OR1B1: variants seen among roughly 807,000 people sequenced by gnomAD.
OR1B1 encodes the protein olfactory receptor 1B1.
For synonymous variants in OR1B1, 168 were observed against 156.2 expected (o/e 1.08, Z -0.57); for missense variants, 414 against 402.1 (o/e 1.03, Z -0.25).
the OR1B1 span, among the ~76,000 whole-genome samples, chr9:122,652,605 T>C: frequency 5.9e-5 from 9 of 152,240 alleles, no homozygotes; most frequent in Non-Finnish European, 4.4e-5. Context: ...AATCTGTATA[T>C]TGATACATTC....
At chr9:122,643,296 T>C in the OR1B1 span, among the ~76,000 whole-genome samples, 93 of 152,186 alleles carry the variant, frequency 6.1e-4, 1 homozygote, top group East Asian at 0.012. Context: ...ATATGTGCAC[T>C]GTGGGGAGGG....
At chr9:122,656,592 G>A in the OR1B1 span, among the ~76,000 whole-genome samples, 3,223 of 152,028 alleles carry the variant, frequency 0.021, 107 homozygotes, top group African/African-American at 0.074. Flanking sequence ...CCAAATTCTC[G>A]TGTCATGCCC....
At chr9:122,628,589 A>G (rs1437777381) in exon 1 of OR1B1, 1 of 1,599,364 alleles carries the variant, frequency 6.3e-7, no homozygotes, top group Non-Finnish European at 8.6e-7. Flanking sequence ...TCAGGGGTCT[A>G]CCTTCACCCA....
chr9:122,628,819 A>G (rs1315259316), exon 1 of OR1B1: 1 of 1,614,132 alleles, frequency 6.2e-7, no homozygotes, highest in Non-Finnish European at 8.5e-7. Context: ...CTCGGCGGCG[A>G]CCAGCAGCTG....
the OR1B1 span, among the ~76,000 whole-genome samples, chr9:122,640,382 A>G: frequency 6.6e-6 from 1 of 152,280 alleles, no homozygotes; most frequent in Non-Finnish European, 1.5e-5. Context: ...GATCAACTTA[A>G]TGCTGATTAT....
exon 1 of OR1B1, chr9:122,628,600 T>C (rs914447358): frequency 1.2e-6 from 2 of 1,611,404 alleles, no homozygotes; most frequent in South Asian, 2.2e-5. Context: ...CCTTCACCCA[T>C]TCAAGCAGCC....
At chr9:122,644,286 C>A in the OR1B1 span, among the ~76,000 whole-genome samples, 9 of 152,290 alleles carry the variant, frequency 5.9e-5, no homozygotes, top group African/African-American at 1.9e-4. Context: ...AAAGAAGAGC[C>A]CTTGGGCTTT....
At chr9:122,634,166 G>A (rs1465933530), upstream of OR1B1, among the ~76,000 whole-genome samples, 1 of 151,640 alleles carries the variant, frequency 6.6e-6, no homozygotes, top group Non-Finnish European at 1.5e-5. Flanking sequence ...GAGAAACCCC[G>A]TCCTTACTGA....
chr9:122,649,668 T>C, the OR1B1 span, among the ~76,000 whole-genome samples: 3 of 152,160 alleles, frequency 2.0e-5, no homozygotes, highest in Non-Finnish European at 2.9e-5. Flanking sequence ...TCACTGGTCA[T>C]TAGAGAAATG....
chr9:122,631,709 G>C (rs1339046948), upstream of OR1B1, among the ~76,000 whole-genome samples: 1 of 152,110 alleles, frequency 6.6e-6, no homozygotes, highest in Non-Finnish European at 1.5e-5. Flanking sequence ...GCTTAAACCT[G>C]TATGAGGCAG....
the OR1B1 span, among the ~76,000 whole-genome samples, chr9:122,635,132 T>G: frequency 6.6e-6 from 1 of 152,196 alleles, no homozygotes; most frequent in Non-Finnish European, 1.5e-5. Context: ...ACAACCTAAG[T>G]GTCTTTTAAT....
chr9:122,652,370 A>G, the OR1B1 span, among the ~76,000 whole-genome samples: 2 of 152,178 alleles, frequency 1.3e-5, no homozygotes, highest in Admixed American at 6.5e-5. Context: ...AGTTAATGTC[A>G]TTTTGTTAAA....
the OR1B1 span, among the ~76,000 whole-genome samples, chr9:122,645,583 A>G: frequency 6.6e-6 from 1 of 152,210 alleles, no homozygotes; most frequent in Non-Finnish European, 1.5e-5. Context: ...CAACTGGCAG[A>G]AGACTTTTCA....
At chr9:122,646,088 T>G in the OR1B1 span, among the ~76,000 whole-genome samples, 1 of 152,130 alleles carries the variant, frequency 6.6e-6, no homozygotes, top group African/African-American at 2.4e-5. Flanking sequence ...GCTTTTTGTG[T>G]GTTTGTTTAT....
chr9:122,644,476 A>T, the OR1B1 span, among the ~76,000 whole-genome samples: 13 of 152,178 alleles, frequency 8.5e-5, no homozygotes, highest in South Asian at 2.1e-4. Context: ...TAAGCTTTTG[A>T]ACTCTAATCC....
chr9:122,636,270 A>G, the OR1B1 span, among the ~76,000 whole-genome samples: 1 of 152,264 alleles, frequency 6.6e-6, no homozygotes, highest in East Asian at 1.9e-4. Context: ...ATACACACAC[A>G]TATACACATA....
At chr9:122,629,620 T>G (rs527807175), upstream of OR1B1, 1 of 829,256 alleles carries the variant, frequency 1.2e-6, no homozygotes, top group African/African-American at 1.7e-5. Context: ...CATTTCTAGT[T>G]AATTATATTA....
chr9:122,647,902 T>G, the OR1B1 span, among the ~76,000 whole-genome samples: 1 of 152,224 alleles, frequency 6.6e-6, no homozygotes, highest in South Asian at 2.1e-4. Flanking sequence ...AAATGCTCGA[T>G]TTTTCCTATC....
chr9:122,654,775 T>G, the OR1B1 span, among the ~76,000 whole-genome samples: 1 of 152,364 alleles, frequency 6.6e-6, no homozygotes. Context: ...AGTATTTGTC[T>G]TTCTGTGCAT....
Sources: gnomAD v4.1 joint callset for allele counts (sites outside exome capture counted in the v4.1 genomes callset) on GRCh38, gnomAD v4.1.1 for gene constraint, MANE v1.5 for transcripts, NCBI Gene and HGNC (gene_info 2026-07-23, HGNC 2026-07-21) for gene names.